The following RAP1GDS1 variants were observed in gnomAD, a reference collection of about 807,000 sequenced individuals.
RAP1GDS1 encodes Rap1 GTPase-GDP dissociation stimulator 1.
In RAP1GDS1, 35 loss-of-function variants were observed where a neutral mutation model predicts 71.1. The ratio of observed to expected loss-of-function variants is 0.49; its 90% CI spans 0.38 to 0.65. RAP1GDS1 has a LOEUF of 0.65. Ranked by LOEUF, RAP1GDS1 falls within the 30% of genes least tolerant of loss-of-function variation. The pLI is 0.00. For synonymous variants in RAP1GDS1, 229 were observed against 243.1 expected (o/e 0.94, Z 0.54); for missense variants, 663 against 706.1 (o/e 0.94, Z 0.69).
At chr4:98,416,526 T>A (rs900025075) in intron 7 of RAP1GDS1, among the ~76,000 whole-genome samples, 5 of 151,454 alleles carry the variant, frequency 3.3e-5, no homozygotes, top group African/African-American at 1.2e-4. Context: ...TTTTTTTGTA[T>A]TTTTTAGTAG....
chr4:98,304,616 T>G (rs1729056098), intron 2 of RAP1GDS1, among the ~76,000 whole-genome samples: 1 of 152,162 alleles, frequency 6.6e-6, no homozygotes, highest in Admixed American at 6.6e-5. Context: ...TGGATAGATT[T>G]TGAAAATGTT....
chr4:98,336,747 C>G (rs1190015948), intron 2 of RAP1GDS1, among the ~76,000 whole-genome samples: 5 of 151,734 alleles, frequency 3.3e-5, no homozygotes. Flanking sequence ...TTTTTTTATT[C>G]CCATCCCTGC....
At chr4:98,367,666 G>A (rs1048861464) in intron 4 of RAP1GDS1, among the ~76,000 whole-genome samples, 2 of 152,214 alleles carry the variant, frequency 1.3e-5, no homozygotes, top group African/African-American at 4.8e-5. Context: ...GCGTGACTTG[G>A]ATGTGAGACA....
intron 4 of RAP1GDS1, among the ~76,000 whole-genome samples, chr4:98,365,031 A>C (rs1281365275): frequency 6.6e-6 from 1 of 152,074 alleles, no homozygotes; most frequent in Non-Finnish European, 1.5e-5. Context: ...AAAAAAAGAA[A>C]AAAAAAGTAT....
chr4:98,431,364 C>G (rs1750385388), intron 12 of RAP1GDS1, among the ~76,000 whole-genome samples: 1 of 152,206 alleles, frequency 6.6e-6, no homozygotes, highest in African/African-American at 2.4e-5. Context: ...CCGTTGTGAT[C>G]AACATGATAC....
At chr4:98,320,819 G>GA (rs1284562601) in intron 2 of RAP1GDS1, among the ~76,000 whole-genome samples, 1 of 132,198 alleles carries the variant, frequency 7.6e-6, no homozygotes, top group Non-Finnish European at 1.6e-5. Flanking sequence ...CAAAGATGGG[G>GA]AAAAAACAGA....
chr4:98,316,941 G>GTGTAA (rs1228412259), intron 2 of RAP1GDS1, among the ~76,000 whole-genome samples: 1 of 152,148 alleles, frequency 6.6e-6, no homozygotes, highest in East Asian at 1.9e-4. Flanking sequence ...ATGCCGCTAT[G>GTGTAA]GGATGGGAAA....
chr4:98,361,931 A>G (rs892124828), intron 4 of RAP1GDS1, among the ~76,000 whole-genome samples: 3 of 152,162 alleles, frequency 2.0e-5, no homozygotes, highest in African/African-American at 7.2e-5. Flanking sequence ...TTACTTATGT[A>G]ATATGTTATA....
chr4:98,424,210 C>G (rs1393081420), intron 12 of RAP1GDS1, among the ~76,000 whole-genome samples: 1 of 152,126 alleles, frequency 6.6e-6, no homozygotes, highest in African/African-American at 2.4e-5. Context: ...AGCTAACACT[C>G]CCTAAACTTG....
intron 4 of RAP1GDS1, among the ~76,000 whole-genome samples, chr4:98,378,805 G>C (rs1262487111): frequency 6.6e-6 from 1 of 151,734 alleles, no homozygotes; most frequent in African/African-American, 2.4e-5. Flanking sequence ...ATCTTGGTTT[G>C]CTTAAAAAGT....
At chr4:98,382,028 C>G (rs1348111736) in intron 5 of RAP1GDS1, among the ~76,000 whole-genome samples, 1 of 151,468 alleles carries the variant, frequency 6.6e-6, no homozygotes. Context: ...AACAAGTTTC[C>G]TAAACACATG....
At chr4:98,352,137 C>T (rs559039055) in intron 3 of RAP1GDS1, among the ~76,000 whole-genome samples, 5 of 151,894 alleles carry the variant, frequency 3.3e-5, no homozygotes, top group African/African-American at 9.6e-5. Context: ...CCATTGTTTC[C>T]ATCATCACAC....
intron 2 of RAP1GDS1, among the ~76,000 whole-genome samples, chr4:98,339,081 TATGAC>T (rs1355604152): frequency 6.6e-6 from 1 of 152,218 alleles, no homozygotes; most frequent in African/African-American, 2.4e-5. Context: ...ACTCTGCTCA[TATGAC>T]ATTATAGGCT....
At chr4:98,359,774 A>G (rs1407365394) in intron 4 of RAP1GDS1, among the ~76,000 whole-genome samples, 1 of 152,202 alleles carries the variant, frequency 6.6e-6, no homozygotes, top group Non-Finnish European at 1.5e-5. Context: ...GTTTTGTAGC[A>G]TCATATAGTC....
chr4:98,382,373 C>T (rs961480255), intron 5 of RAP1GDS1, among the ~76,000 whole-genome samples: 7 of 151,436 alleles, frequency 4.6e-5, no homozygotes, highest in African/African-American at 1.7e-4. Flanking sequence ...ACATGTTTTT[C>T]ACATGGTGAA....
At chr4:98,354,714 A>T (rs1737702009) in intron 4 of RAP1GDS1, among the ~76,000 whole-genome samples, 2 of 152,066 alleles carry the variant, frequency 1.3e-5, no homozygotes, top group African/African-American at 4.8e-5. Context: ...TATGAAGTTA[A>T]TTTTTTTCAT....
intron 7 of RAP1GDS1, among the ~76,000 whole-genome samples, chr4:98,406,145 G>C (rs927084972): frequency 6.6e-6 from 1 of 151,846 alleles, no homozygotes; most frequent in Admixed American, 6.6e-5. Context: ...GAAAAAAGAG[G>C]AAAGAAAAAG....
intron 14 of RAP1GDS1, among the ~76,000 whole-genome samples, chr4:98,437,403 T>C (rs536907949): frequency 4.6e-5 from 7 of 152,308 alleles, no homozygotes; most frequent in African/African-American, 1.7e-4. Flanking sequence ...CTAGACAACA[T>C]TCAGTATTGC....
intron 9 of RAP1GDS1, among the ~76,000 whole-genome samples, chr4:98,418,396 C>T (rs1260706241): frequency 6.6e-6 from 1 of 152,136 alleles, no homozygotes; most frequent in Non-Finnish European, 1.5e-5. Flanking sequence ...GTTTCTACTT[C>T]TGATATATTA....
Sources: allele counts gnomAD v4.1 joint callset (sites outside exome capture counted in the v4.1 genomes callset), GRCh38; gene constraint gnomAD v4.1.1; transcripts MANE v1.5; gene names NCBI Gene and HGNC (gene_info 2026-07-23, HGNC 2026-07-21).